The following GRAMD2B variants were observed in gnomAD, a reference collection of about 807,000 sequenced individuals.
GRAMD2B encodes the protein GRAM domain containing 2B.
GRAMD2B carries 41 observed loss-of-function variants against 59.2 expected under a neutral mutation model. The observed-to-expected ratio is 0.69, with a 90% CI of 0.54 to 0.90. The LOEUF (loss-of-function observed/expected upper bound fraction) is 0.90. GRAMD2B is among the 40% of genes least tolerant of loss of function. GRAMD2B has a pLI of 0.00. For synonymous variants in GRAMD2B, 161 were observed against 182.7 expected (o/e 0.88, Z 0.96); for missense variants, 424 against 500.5 (o/e 0.85, Z 1.46).
chr5:126,414,541 T>C (rs1404588019), intron 1 of GRAMD2B, among the ~76,000 whole-genome samples: 1 of 152,152 alleles, frequency 6.6e-6, no homozygotes, highest in Non-Finnish European at 1.5e-5. Context: ...TGGCTCACTC[T>C]AGCTTTGATC....
At chr5:126,360,445 T>C (rs774466065) in exon 1 of GRAMD2B, 5 of 1,551,032 alleles carry the variant, frequency 3.2e-6, no homozygotes, top group Non-Finnish European at 4.4e-6. Flanking sequence ...AGCCAGTGGG[T>C]CCGGACCTGG....
chr5:126,485,942 T>C (rs529871821), intron 11 of GRAMD2B, among the ~76,000 whole-genome samples, 169 bp downstream of exon 11: 158 of 152,338 alleles, frequency 1.0e-3, no homozygotes, highest in Non-Finnish European at 1.7e-3. Flanking sequence ...TCCTTAGGCT[T>C]AGGTCACATT....
In GRAMD2B at chr5:126,475,192, G is replaced by A. The variant is rs1435825794; in HGVS notation, c.486+1824G>A. On this transcript the variant is annotated intron_variant, in intron 5 of 13. Coordinates refer to ENST00000285689, the MANE Select transcript of GRAMD2B (RefSeq NM_023927.4). ...TTTAGTCAGCCTGTCGGTATTTTCA[G>A]ATGCCAGTAAAATTAACATGCATGT... is the stretch of plus-strand genomic sequence containing the variant. Among the ~76,000 whole-genome samples the A allele has an allele frequency of 2.0e-5, 3 of 152,298 alleles. No homozygotes were observed. The East Asian group carries it at 5.8e-4, about 29-fold the overall frequency.
At chr5:126,435,758 G>A (rs948700729) in intron 1 of GRAMD2B, among the ~76,000 whole-genome samples, 8 of 152,202 alleles carry the variant, frequency 5.3e-5, no homozygotes, top group African/African-American at 1.9e-4. Context: ...AACAAACCAA[G>A]GAAAGCCTTT....
chr5:126,362,821 A>G (rs1754277665), intron 1 of GRAMD2B, among the ~76,000 whole-genome samples: 1 of 152,244 alleles, frequency 6.6e-6, no homozygotes, highest in South Asian at 2.1e-4. Flanking sequence ...ATACACAAAT[A>G]TTAACTCAAA....
At chr5:126,440,661 A>C (rs1315051887) in intron 1 of GRAMD2B, among the ~76,000 whole-genome samples, 1 of 152,198 alleles carries the variant, frequency 6.6e-6, no homozygotes, top group Non-Finnish European at 1.5e-5. Context: ...AAAAACTACT[A>C]TATAATATGG....
intron 1 of GRAMD2B, among the ~76,000 whole-genome samples, chr5:126,378,249 T>G (rs1755369247): frequency 6.6e-6 from 1 of 152,170 alleles, no homozygotes; most frequent in South Asian, 2.1e-4. Context: ...CTAAACCACC[T>G]TCTTTTCTGT....
chr5:126,423,446 C>G lies in GRAMD2B; in HGVS notation c.-161C>G. 1.4e-6 allele frequency: 2 copies of G among 1,416,480 alleles called. No homozygotes were observed. The highest frequency in any genetic ancestry group is 1.6e-5 in the South Asian group (1 of 61,412). The allele number at this position is 1,416,480 out of a possible 1,614,324, so 87.7% of individuals were successfully genotyped here. A position where few individuals can be genotyped will look rare whatever the true frequency, so the allele number is the denominator to read the frequency against. On this transcript the variant is annotated 5_prime_UTR_variant, in exon 1 of 14. Transcript: ENST00000285689. ...TCCGACGTGTCCAGGTCCGCGGCCC[C>G]GGGAGCTTGGCGCGGCCCGGCCTGG...
chr5:126,487,925 G>A (rs1016520492), intron 12 of GRAMD2B, among the ~76,000 whole-genome samples: 4 of 152,136 alleles, frequency 2.6e-5, no homozygotes, highest in Admixed American at 2.6e-4. Flanking sequence ...AGATTTCAGG[G>A]CTCATCTCCA....
At chr5:126,371,790 A>G (rs975668960) in intron 1 of GRAMD2B, among the ~76,000 whole-genome samples, 4 of 152,198 alleles carry the variant, frequency 2.6e-5, no homozygotes, top group Non-Finnish European at 5.9e-5. Flanking sequence ...TGAAGGAAAA[A>G]TAATTTTTAG....
At chr5:126,406,604 C>A (rs1009680334) in intron 1 of GRAMD2B, among the ~76,000 whole-genome samples, 1 of 151,868 alleles carries the variant, frequency 6.6e-6, no homozygotes, top group Non-Finnish European at 1.5e-5. Flanking sequence ...AAAAAGAAAT[C>A]CTAAATTTGA....
chr5:126,476,238 A>T (rs1770592018), intron 5 of GRAMD2B, among the ~76,000 whole-genome samples: 1 of 152,116 alleles, frequency 6.6e-6, no homozygotes, highest in African/African-American at 2.4e-5. Flanking sequence ...GCACCATTGC[A>T]CTCCAGCCTG....
chr5:126,448,955 C>G (rs925256493), intron 1 of GRAMD2B, among the ~76,000 whole-genome samples: 2 of 152,160 alleles, frequency 1.3e-5, no homozygotes, highest in Non-Finnish European at 2.9e-5. Context: ...CATGGTGTCA[C>G]GGGTATGAAT....
intron 1 of GRAMD2B, among the ~76,000 whole-genome samples, chr5:126,397,271 C>T (rs112200638): frequency 0.01 from 1,523 of 152,208 alleles, 40 homozygotes; most frequent in African/African-American, 0.035. Flanking sequence ...GTCATCCAGG[C>T]TGAAACAGAG....
rs563993522 is a variant in GRAMD2B at position 126,411,050 on chromosome 5, T to A, written c.125+39483T>A. Among the ~76,000 whole-genome samples, 7 of 152,230 alleles carry A rather than the reference T, an allele frequency of 4.6e-5. No homozygotes were observed. The East Asian group carries it at 1.2e-3, about 25-fold the overall frequency. Reference sequence around the variant, plus strand: ...CATAGTTTGTGAGCATTTTCTCCCATTCTGTAAGTTGTCTGTGTACTCTGT... The same window carrying A: ...CATAGTTTGTGAGCATTTTCTCCCAATCTGTAAGTTGTCTGTGTACTCTGT... On this transcript the variant is annotated intron_variant, in intron 1 of 8. Coordinates refer to the GRAMD2B transcript ENST00000506445.
Position 126,493,488 on chromosome 5 carries a change from A to G in GRAMD2B, c.*532A>G, listed in dbSNP as rs1288992878. ...ATCTACATTTTGTCTTTTTTTTTTC[A>G]GTTCTCCTGTTATGTTCTGGTTGAA... On this transcript the variant is annotated 3_prime_UTR_variant, in exon 14 of 14. Transcript: ENST00000285689. 6.6e-6 allele frequency: 1 copy of G among 151,566 alleles called. No homozygotes were observed. The highest frequency in any genetic ancestry group is 1.5e-5 in the Non-Finnish European group (1 of 67,952). 9.4% of individuals were successfully genotyped at this position (151,566 alleles called of 1,614,324 possible).
intron 1 of GRAMD2B, among the ~76,000 whole-genome samples, chr5:126,436,991 T>C (rs1379719868): frequency 6.6e-6 from 1 of 152,098 alleles, no homozygotes; most frequent in Non-Finnish European, 1.5e-5. Flanking sequence ...TGTATAAACT[T>C]AAAGGGCAGC....
At chr5:126,452,148 T>C (rs1459505505) in intron 1 of GRAMD2B, among the ~76,000 whole-genome samples, 1 of 152,176 alleles carries the variant, frequency 6.6e-6, no homozygotes, top group Non-Finnish European at 1.5e-5. Context: ...CAGAAATTTA[T>C]TTCTCATGGT....
In GRAMD2B at chr5:126,374,098, C is replaced by A. The variant is rs1367866712; in HGVS notation, c.125+2531C>A. ...ACATTGTGGAAGGGTGTCTCTAAGG[C>A]ACATACCTAGAGGAAATGTTCATCA... is the stretch of plus-strand genomic sequence containing the variant. On this transcript the variant is annotated intron_variant, in intron 1 of 8. Coordinates refer to the GRAMD2B transcript ENST00000506445. Among the ~76,000 whole-genome samples the A allele has an allele frequency of 2.0e-5, 3 of 152,150 alleles. No homozygotes were observed. The East Asian group carries it at 5.8e-4, about 29-fold the overall frequency.
Sources: allele counts gnomAD v4.1 joint callset (sites outside exome capture counted in the v4.1 genomes callset), GRCh38; gene constraint gnomAD v4.1.1; transcripts MANE v1.5; gene names NCBI Gene and HGNC (gene_info 2026-07-23, HGNC 2026-07-21).